R3HDM2: variants seen among roughly 807,000 people sequenced by gnomAD.
The protein encoded by R3HDM2 is R3H domain containing 2.
In R3HDM2, 38 loss-of-function variants were observed where a neutral mutation model predicts 124.5. That is an observed-to-expected ratio of 0.31 (90% CI 0.24 to 0.40). The LOEUF is 0.40. Among genes scored for constraint, R3HDM2 ranks in the 10% least tolerant of loss-of-function variants. The probability of loss-of-function intolerance (pLI) is 1.00; values close to 1 mark genes in which losing one functional copy is unlikely to be tolerated. For missense variants in R3HDM2, 869 were observed against 1,236.9 expected, an observed-to-expected ratio of 0.70 and a Z score of 4.46; for synonymous variants, 391 against 448.0, an observed-to-expected ratio of 0.87 and a Z score of 1.61.
chr12:57,260,119 C>T (rs1015618734), intron 19 of R3HDM2, among the ~76,000 whole-genome samples: 1 of 151,492 alleles, frequency 6.6e-6, no homozygotes, highest in Non-Finnish European at 1.5e-5. Context: ...CAAAAATGAG[C>T]TGGGCATGGT....
chr12:57,406,733 C>T (rs1254344548), intron 1 of R3HDM2, among the ~76,000 whole-genome samples: 1 of 152,138 alleles, frequency 6.6e-6, no homozygotes, highest in African/African-American at 2.4e-5. Context: ...TGGAAGTATA[C>T]AACACTGCAT....
chr12:57,375,923 C>T (rs1205058438), intron 2 of R3HDM2, among the ~76,000 whole-genome samples: 4 of 152,128 alleles, frequency 2.6e-5, no homozygotes, highest in Non-Finnish European at 5.9e-5. Flanking sequence ...CCACCCACCT[C>T]GGCCTCCCAA....
At chr12:57,336,479 A>T (rs1445985356) in intron 2 of R3HDM2, among the ~76,000 whole-genome samples, 3 of 152,198 alleles carry the variant, frequency 2.0e-5, no homozygotes, top group Admixed American at 1.3e-4. Flanking sequence ...AATACTATGC[A>T]GCCATAAAAA....
intron 15 of R3HDM2, 71 bp downstream of exon 15, chr12:57,269,681 G>T: frequency 1.9e-6 from 3 of 1,594,338 alleles, no homozygotes; most frequent in Non-Finnish European, 2.6e-6. Flanking sequence ...GTCTAAACTG[G>T]AGGAATAAAG....
At chr12:57,387,676 A>C (rs1162713331) in intron 2 of R3HDM2, among the ~76,000 whole-genome samples, 3 of 152,252 alleles carry the variant, frequency 2.0e-5, no homozygotes, top group Non-Finnish European at 4.4e-5. Flanking sequence ...AGAACCACTG[A>C]GTGAATAATA....
At position 57,258,010 on chromosome 12, in the gene R3HDM2, C is replaced by A; in HGVS notation, c.2429G>T (p.Arg810Leu). Residue 810 changes from arginine (R) to leucine (L), a missense_variant, in exon 21 of 24, where the codon CGG becomes CTG. Physicochemically the swap from Arg to Leu is moderately radical, Grantham distance 102 (BLOSUM62 -2). Around this residue, in one of 2 missense-constraint regions of R3HDM2, gnomAD observed 602 missense variants for 789.2 expected, o/e 0.76. Transcript: ENST00000402412. ...SPLPVLTQFP[R>L]PGGPAQGDGR... is the part of the protein sequence containing the mutation. Reference sequence around the variant, plus strand: ...CCTACCCTGTGCTGGACCCCCAGGCCGGGGGAACTGTGTGAGGACAGGCAG... The same window carrying A: ...CCTACCCTGTGCTGGACCCCCAGGCAGGGGGAACTGTGTGAGGACAGGCAG... 2 of 1,569,908 alleles carry A rather than the reference C, an allele frequency of 1.3e-6. No homozygotes were observed. The highest frequency in any genetic ancestry group is 1.7e-6 in the Non-Finnish European group (2 of 1,150,994).
intron 14 of R3HDM2, 90 bp from the exon 15 acceptor site, chr12:57,270,084 TTTACAACCTTC>T: frequency 6.8e-7 from 1 of 1,475,842 alleles, no homozygotes; most frequent in East Asian, 2.3e-5. Flanking sequence ...AGCAATGCTT[TTTACAACCTTC>T]TTTAAAACAA....
intron 2 of R3HDM2, among the ~76,000 whole-genome samples, chr12:57,391,185 C>A (rs1317642349): frequency 6.6e-6 from 1 of 152,056 alleles, no homozygotes; most frequent in Non-Finnish European, 1.5e-5. Context: ...GGAACCAACA[C>A]AGAAGTCCTT....
intron 2 of R3HDM2, among the ~76,000 whole-genome samples, chr12:57,333,365 C>G (rs1276344975): frequency 6.6e-6 from 1 of 152,074 alleles, no homozygotes; most frequent in Non-Finnish European, 1.5e-5. Flanking sequence ...TAATAATTTC[C>G]GATGCAGATT....
chr12:57,288,629 T>C (rs1250565765), intron 12 of R3HDM2, among the ~76,000 whole-genome samples: 1 of 152,068 alleles, frequency 6.6e-6, no homozygotes. Context: ...TTTGGTCCCC[T>C]TCACCACCTG....
intron 2 of R3HDM2, among the ~76,000 whole-genome samples, chr12:57,390,646 A>G (rs2066525806): frequency 6.6e-6 from 1 of 152,136 alleles, no homozygotes; most frequent in Non-Finnish European, 1.5e-5. Flanking sequence ...GCAGTGAGCC[A>G]TGATCACACT....
chr12:57,390,969 G>A (rs1446977859), intron 2 of R3HDM2, among the ~76,000 whole-genome samples: 1 of 150,756 alleles, frequency 6.6e-6, no homozygotes, highest in South Asian at 2.1e-4. Context: ...CCGAGATCAT[G>A]CCACTGCACT....
intron 14 of R3HDM2, among the ~76,000 whole-genome samples, chr12:57,274,623 T>A (rs2044275523): frequency 6.6e-6 from 1 of 152,248 alleles, no homozygotes; most frequent in Admixed American, 6.5e-5. Flanking sequence ...GGGATAGCAG[T>A]GCTATTTTTT....
At position 57,388,199 on chromosome 12, in the gene R3HDM2, A is replaced by C. The variant is rs12317318; in HGVS notation, c.-36+7550T>G. 8.2e-3 allele frequency among the ~76,000 whole-genome samples: 1,256 copies of C among 152,294 alleles called. 16 individuals carry two copies. Among genetic ancestry groups the C allele is most frequent in the African/African-American group, 0.028 (1,172 of 41,556 alleles). ...AGGCTGACCTGGAACTCATGACCTC[A>C]GGTGATCTGCCCGCCTCAGCCTCCC... On this transcript the variant is annotated intron_variant, in intron 2 of 23. Coordinates refer to ENST00000402412, the MANE Select transcript of R3HDM2 (RefSeq NM_001394031.1).
At chr12:57,397,592 C>G (rs1159212121) in intron 1 of R3HDM2, among the ~76,000 whole-genome samples, 1 of 152,058 alleles carries the variant, frequency 6.6e-6, no homozygotes, top group Non-Finnish European at 1.5e-5. Flanking sequence ...GAAGGAATGG[C>G]CAGAGGATAT....
At chr12:57,270,016 C>G (rs768923889) in intron 14 of R3HDM2, 22 bp from the exon 15 acceptor site, 20 of 1,613,660 alleles carry the variant, frequency 1.2e-5, no homozygotes, top group Non-Finnish European at 1.5e-5. Flanking sequence ...GTATAAGACA[C>G]AGGATTGGGG....
intron 1 of R3HDM2, chr12:57,418,137 T>C (rs1340018018): frequency 6.4e-5 from 63 of 984,330 alleles, no homozygotes; most frequent in Non-Finnish European, 7.0e-5. Context: ...AAACCTACCC[T>C]TTTCTTATCT....
At chr12:57,412,474 G>A (rs889376610) in intron 1 of R3HDM2, among the ~76,000 whole-genome samples, 2 of 151,890 alleles carry the variant, frequency 1.3e-5, no homozygotes, top group Non-Finnish European at 2.9e-5. Flanking sequence ...AACCTGAGGC[G>A]GAGGCTGCAA....
intron 2 of R3HDM2, among the ~76,000 whole-genome samples, chr12:57,368,460 G>A (rs1293379346): frequency 6.6e-6 from 1 of 152,160 alleles, no homozygotes; most frequent in African/African-American, 2.4e-5. Context: ...CTTAAGCCAT[G>A]ACAGATAAGT....
Sources: gnomAD v4.1 joint callset for allele counts (sites outside exome capture counted in the v4.1 genomes callset) on GRCh38, gnomAD v4.1.1 for gene constraint, gnomAD v4.1.1 regional missense constraint, MANE v1.5 for transcripts, NCBI Gene and HGNC (gene_info 2026-07-23, HGNC 2026-07-21) for gene names.